The following BNC2 variants were observed in gnomAD, a reference collection of about 807,000 sequenced individuals.
BNC2 encodes zinc finger protein basonuclin-2.
BNC2 carries 20 observed loss-of-function variants against 76.3 expected under a neutral mutation model. The ratio of observed to expected loss-of-function variants is 0.26; its 90% confidence interval spans 0.18 to 0.38. BNC2 has a LOEUF of 0.38. Ranked by LOEUF, BNC2 falls within the 10% of genes least tolerant of loss-of-function variation. The probability of loss-of-function intolerance (pLI) is 1.00; values close to 1 mark genes in which losing one functional copy is unlikely to be tolerated. For missense variants in BNC2, 1,382 were observed against 1,399.8 expected (o/e 0.99, Z 0.20); for synonymous variants, 582 against 514.8 (o/e 1.13, Z -1.77).
intron 3 of BNC2, among the ~76,000 whole-genome samples, chr9:16,709,954 C>A (rs1360702103): frequency 1.3e-5 from 2 of 152,098 alleles, no homozygotes; most frequent in African/African-American, 4.8e-5. Context: ...CGAATAACTT[C>A]TAAGATTGCC....
At position 16,559,221 on chromosome 9, in the gene BNC2, CT is replaced by C. The variant is rs546131336; in HGVS notation, c.434-6457del. Among the ~76,000 whole-genome samples, 691 of 152,230 alleles carry C rather than the reference CT, an allele frequency of 4.5e-3. 7 individuals carry two copies. Among genetic ancestry groups the C allele is most frequent in the African/African-American group, 0.016 (655 of 41,524 alleles). ...TTGTCCAAACCATGGCCCAGGATGG[CT>C]TTGAATGCGGCCCAATACAAATTCA... On this transcript the variant is annotated intron_variant, in intron 4 of 6. Transcript: ENST00000380672.
intron 3 of BNC2, among the ~76,000 whole-genome samples, chr9:16,663,007 C>G (rs1374796670): frequency 6.6e-6 from 1 of 152,074 alleles, no homozygotes; most frequent in Admixed American, 6.6e-5. Context: ...TCTGGTTATA[C>G]CCTTTCTGAT....
chr9:16,600,949 T>A (rs1475388110), intron 3 of BNC2, among the ~76,000 whole-genome samples: 1 of 152,170 alleles, frequency 6.6e-6, no homozygotes, highest in Admixed American at 6.5e-5. Flanking sequence ...AATGTGAAAG[T>A]GCCTCTTGCT....
chr9:16,498,222 CATATATATATATTCCATCATAT>C (rs1563811306), intron 5 of BNC2, among the ~76,000 whole-genome samples: 123 of 90,758 alleles, frequency 1.4e-3, no homozygotes, highest in African/African-American at 3.6e-3. Context: ...TATATTCCAT[CATATATATATATTCCATCATAT>C]ATATATATAT....
At chr9:16,427,143 T>C (rs531159273) in intron 6 of BNC2, among the ~76,000 whole-genome samples, 14 of 152,208 alleles carry the variant, frequency 9.2e-5, no homozygotes, top group Non-Finnish European at 1.9e-4. Flanking sequence ...CAGTGAGCCC[T>C]TGGGATTGTC....
chr9:16,497,978 GGTGTGTGTGTGT>G (rs34523754), intron 5 of BNC2, among the ~76,000 whole-genome samples: 118 of 134,870 alleles, frequency 8.7e-4, no homozygotes, highest in African/African-American at 2.0e-3. Flanking sequence ...AAGAAACTGT[GGTGTGTGTGTGT>G]GTGTGTGTGT....
At chr9:16,460,579 T>C (rs1397661074) in intron 5 of BNC2, among the ~76,000 whole-genome samples, 1 of 152,090 alleles carries the variant, frequency 6.6e-6, no homozygotes, top group African/African-American at 2.4e-5. Context: ...ACCGAGATCA[T>C]GCCGCTGCAC....
At chr9:16,428,688 A>G (rs940437145) in intron 6 of BNC2, among the ~76,000 whole-genome samples, 4 of 152,106 alleles carry the variant, frequency 2.6e-5, no homozygotes, top group African/African-American at 7.2e-5. Flanking sequence ...TTCCTAAGGT[A>G]AAGTCAAAAT....
At chr9:16,435,507 C>G (rs1820988583) in intron 6 of BNC2, 48 bp downstream of exon 6, 1 of 1,605,198 alleles carries the variant, frequency 6.2e-7, no homozygotes, top group East Asian at 2.2e-5. Context: ...TGACTGAAAA[C>G]TGGCACCCTC....
At chr9:16,637,086 A>AT (rs903173265) in intron 3 of BNC2, among the ~76,000 whole-genome samples, 40 of 150,784 alleles carry the variant, frequency 2.7e-4, no homozygotes, top group African/African-American at 7.5e-4. Context: ...GAAAGAGGCA[A>AT]TTTTTTTTTC....
intron 3 of BNC2, among the ~76,000 whole-genome samples, chr9:16,690,012 C>T (rs536738583): frequency 1.2e-4 from 19 of 152,332 alleles, no homozygotes; most frequent in Admixed American, 2.6e-4. Context: ...AGGTGAGCTA[C>T]GTGGCAGAGT....
At chr9:16,611,299 C>T (rs780879037) in intron 3 of BNC2, among the ~76,000 whole-genome samples, 22 of 152,194 alleles carry the variant, frequency 1.4e-4, no homozygotes, top group Non-Finnish European at 3.1e-4. Context: ...CTATAACCTG[C>T]ACATGAAGGG....
intron 3 of BNC2, among the ~76,000 whole-genome samples, chr9:16,694,842 G>A (rs926569001): frequency 6.6e-6 from 1 of 152,044 alleles, no homozygotes; most frequent in Non-Finnish European, 1.5e-5. Context: ...ATGTGCAAAC[G>A]CATACAAAGT....
chr9:16,793,577 C>T (rs1478432409), intron 1 of BNC2, among the ~76,000 whole-genome samples: 1 of 150,408 alleles, frequency 6.6e-6, no homozygotes, highest in Non-Finnish European at 1.5e-5. Context: ...GCTGGGATTA[C>T]AGGTGGGTGC....
At chr9:16,583,641 T>C (rs917914983) in intron 3 of BNC2, among the ~76,000 whole-genome samples, 3 of 152,196 alleles carry the variant, frequency 2.0e-5, no homozygotes, top group African/African-American at 7.2e-5. Flanking sequence ...ATTTCTATTA[T>C]TATTTAATCA....
At position 16,411,051 on chromosome 9, in the gene BNC2, A is replaced by C. The variant is rs1320519972; in HGVS notation, c.*7938T>G. ...AAGGCAGGCAGTGAGGCTCCCACTGAAACAGTGCCAGGTCAGTTCACCTTG... is the reference window on the plus strand; with the variant it reads ...AAGGCAGGCAGTGAGGCTCCCACTGCAACAGTGCCAGGTCAGTTCACCTTG... On this transcript the variant is annotated 3_prime_UTR_variant, in exon 7 of 7. Coordinates refer to ENST00000380672, the MANE Select transcript of BNC2 (RefSeq NM_017637.6). The C allele has an allele frequency of 6.6e-6, 1 of 152,232 alleles. No homozygotes were observed. Among genetic ancestry groups the C allele is most frequent in the African/African-American group, 2.4e-5 (1 of 41,436 alleles). 9.4% of individuals were successfully genotyped at this position (152,232 alleles called of 1,614,324 possible). A position where few individuals can be genotyped will look rare whatever the true frequency, so the allele number is the denominator to read the frequency against.
intron 3 of BNC2, among the ~76,000 whole-genome samples, chr9:16,587,963 T>A (rs967101325): frequency 4.6e-5 from 7 of 152,174 alleles, no homozygotes; most frequent in African/African-American, 1.7e-4. Flanking sequence ...GGTGTGATTA[T>A]CGATATGGGT....
chr9:16,486,144 T>C (rs943750), intron 5 of BNC2, among the ~76,000 whole-genome samples: 19,164 of 152,126 alleles, frequency 0.13, 1,822 homozygotes, highest in African/African-American at 0.27. Context: ...TTGAGGAATG[T>C]TGTTTTAATG....
rs1563813255 is a variant in BNC2, at chr9:16,502,558, CCT to C, written c.669+49970_669+49971del. The stretch of plus-strand genomic sequence containing the variant: ...TGTTTTGTTTTGTCTTTTTTCCCCC[CCT>C]CTTACTTCTTCTTGGGGTGAATGGC... On this transcript the variant is annotated intron_variant, in intron 5 of 6. Transcript: ENST00000380672. 7.7e-3 allele frequency among the ~76,000 whole-genome samples: 1,171 copies of C among 152,094 alleles called. 14 individuals are homozygous for C. The highest frequency in any genetic ancestry group is 0.027 in the African/African-American group (1,115 of 41,500).
Sources: gnomAD v4.1 joint callset for allele counts (sites outside exome capture counted in the v4.1 genomes callset) on GRCh38, gnomAD v4.1.1 for gene constraint, MANE v1.5 for transcripts, NCBI Gene and HGNC (gene_info 2026-07-23, HGNC 2026-07-21) for gene names.